MME: variants seen among roughly 807,000 people sequenced by gnomAD.
MME encodes the protein membrane metalloendopeptidase.
A neutral mutation model predicts 113.2 loss-of-function variants in MME; 98 were observed. The ratio of observed to expected loss-of-function variants is 0.87; its 90% CI spans 0.74 to 1.02. The LOEUF (loss-of-function observed/expected upper bound fraction) is 1.02, where lower values mean the gene tolerates loss of function less well. MME is among the 50% of genes least tolerant of loss of function. The pLI is 0.00. For missense variants in MME, 836 were observed against 896.0 expected (o/e 0.93, Z 0.86); for synonymous variants, 292 against 300.6 (o/e 0.97, Z 0.30).
chr3:155,085,950 G>T (rs761186088), intron 3 of MME, among the ~76,000 whole-genome samples: 1 of 152,230 alleles, frequency 6.6e-6, no homozygotes, highest in Non-Finnish European at 1.5e-5. Context: ...GTGTACGCTT[G>T]ATAGAAGGAC....
At chr3:155,035,117 C>G (rs901442222) in intron 1 of MME, among the ~76,000 whole-genome samples, 1 of 151,842 alleles carries the variant, frequency 6.6e-6, no homozygotes, top group African/African-American at 2.4e-5. Flanking sequence ...ATAAAACTTT[C>G]ATACCAAAAA....
intron 8 of MME, among the ~76,000 whole-genome samples, chr3:155,124,842 T>G (rs1394325249): frequency 6.6e-6 from 1 of 152,140 alleles, no homozygotes; most frequent in African/African-American, 2.4e-5. Flanking sequence ...CAGGGACATT[T>G]AAGTCTGCAG....
chr3:155,055,155 C>T (rs1225661249), intron 1 of MME, among the ~76,000 whole-genome samples: 1 of 151,964 alleles, frequency 6.6e-6, no homozygotes, highest in Non-Finnish European at 1.5e-5. Flanking sequence ...GAAAGCTGAT[C>T]AAAGAACTCA....
intron 3 of MME, among the ~76,000 whole-genome samples, chr3:155,091,459 G>T (rs1716292766): frequency 6.6e-6 from 1 of 152,186 alleles, no homozygotes; most frequent in Non-Finnish European, 1.5e-5. Flanking sequence ...AATTAGCAAT[G>T]CCTGGTAAGC....
chr3:155,128,176 T>C (rs1300573158), intron 8 of MME, among the ~76,000 whole-genome samples: 1 of 152,214 alleles, frequency 6.6e-6, no homozygotes, highest in African/African-American at 2.4e-5. Flanking sequence ...AATGGGTAAT[T>C]ATCTGAATAT....
intron 1 of MME, among the ~76,000 whole-genome samples, chr3:155,069,426 C>T (rs905840201): frequency 1.3e-5 from 2 of 151,998 alleles, no homozygotes; most frequent in African/African-American, 2.4e-5. Flanking sequence ...TTGATCAGCT[C>T]GTGGCAACTC....
intron 16 of MME, chr3:155,158,935 G>C (rs2108347985): frequency 6.6e-6 from 1 of 151,998 alleles, no homozygotes; most frequent in African/African-American, 2.4e-5. Context: ...AACTAAGGAA[G>C]AAACATGTTG....
At chr3:155,138,967 C>T (rs1720851271) in intron 9 of MME, among the ~76,000 whole-genome samples, 1 of 152,002 alleles carries the variant, frequency 6.6e-6, no homozygotes, top group South Asian at 2.1e-4. Context: ...CAAACGACAA[C>T]CTGCATCCCT....
chr3:155,148,697 C>T (rs1349292745), intron 16 of MME, 44 bp downstream of exon 16: 1 of 1,360,228 alleles, frequency 7.4e-7, no homozygotes, highest in South Asian at 1.2e-5. Flanking sequence ...AGAAGCAGGT[C>T]TTTCCCTCCT....
chr3:155,079,288 A>G (rs887526484), upstream of MME, among the ~76,000 whole-genome samples: 2 of 152,118 alleles, frequency 1.3e-5, no homozygotes, highest in Non-Finnish European at 2.9e-5. Context: ...GGAGCGGGAA[A>G]GAGAGCGAAA....
upstream of MME, among the ~76,000 whole-genome samples, chr3:155,079,287 AAG>A (rs1714902870): frequency 6.6e-6 from 1 of 152,058 alleles, no homozygotes; most frequent in Non-Finnish European, 1.5e-5. Context: ...GGGAGCGGGA[AAG>A]AGAGCGAAAG....
Position 155,143,452 on chromosome 3 carries a change from G to T in MME, c.1198G>T (p.Gly400Cys). 1.2e-6 allele frequency: 2 copies of T among 1,612,122 alleles called. No individual in the cohort carries two copies. Among genetic ancestry groups the T allele is most frequent in the South Asian group, 2.2e-5 (2 of 91,038 alleles). The change falls in exon 13 of 23, where the codon GGT becomes TGT. Residue 400 changes from glycine to cysteine, a missense_variant. By Grantham distance (159) the Gly-to-Cys change is radical. Coordinates refer to ENST00000360490, the MANE Select transcript of MME (RefSeq NM_007289.4). ...SRNAFRKALYGTTSETATWRR... is the reference protein window; with the variant it reads ...SRNAFRKALYCTTSETATWRR... Reference sequence around the variant, plus strand: ...TTTTTCTTTTCCGTAGGCCCTTTATGGTACAACCTCAGAAACAGCAACTTG... The same window carrying T: ...TTTTTCTTTTCCGTAGGCCCTTTATTGTACAACCTCAGAAACAGCAACTTG...
intron 17 of MME, among the ~76,000 whole-genome samples, chr3:155,162,086 G>A (rs374035534): frequency 1.3e-5 from 2 of 152,322 alleles, no homozygotes; most frequent in African/African-American, 2.4e-5. Context: ...CCTTAGTGCT[G>A]CATTAGAGCA....
intron 16 of MME, among the ~76,000 whole-genome samples, chr3:155,150,388 G>T (rs1721834897): frequency 6.6e-6 from 1 of 152,076 alleles, no homozygotes; most frequent in African/African-American, 2.4e-5. Flanking sequence ...AAAGCCAAAA[G>T]TGTATACAAT....
At chr3:155,037,813 T>C (rs1713174722) in intron 1 of MME, among the ~76,000 whole-genome samples, 1 of 152,148 alleles carries the variant, frequency 6.6e-6, no homozygotes, top group South Asian at 2.1e-4. Flanking sequence ...TTGATGTTCT[T>C]GATAGGACCA....
chr3:155,178,039 G>A lies in MME; in HGVS notation c.2154-2321G>A, dbSNP rs188621645. ...ACGCCATGCTATCAGAGGGCCTCTCGGGGCCTTGCTCAGAGCAGGAAGCAT... is the reference window on the plus strand; with the variant it reads ...ACGCCATGCTATCAGAGGGCCTCTCAGGGCCTTGCTCAGAGCAGGAAGCAT... On this transcript the variant is annotated intron_variant, in intron 22 of 22. Coordinates refer to ENST00000360490, the MANE Select transcript of MME (RefSeq NM_007289.4). 1.4e-4 allele frequency among the ~76,000 whole-genome samples: 22 copies of A among 152,190 alleles called. No homozygotes were observed. The East Asian group carries it at 3.1e-3, about 21-fold the overall frequency.
At chr3:155,115,222 A>T (rs1718502084) in intron 4 of MME, 67 bp downstream of exon 4, 2 of 1,555,374 alleles carry the variant, frequency 1.3e-6, no homozygotes, top group African/African-American at 2.7e-5. Context: ...TAAATATACA[A>T]TTGTTAGCCA....
chr3:155,172,405 T>G, intron 21 of MME, 131 bp from the exon 22 acceptor site: 1 of 849,686 alleles, frequency 1.2e-6, no homozygotes, highest in Admixed American at 1.9e-5. Flanking sequence ...CATTGAACAT[T>G]ATTTGAAGAG....
At chr3:155,155,182 AG>A (rs1238869993) in intron 16 of MME, among the ~76,000 whole-genome samples, 18 of 152,104 alleles carry the variant, frequency 1.2e-4, no homozygotes, top group Admixed American at 3.3e-4. Flanking sequence ...TTTGTTTTCC[AG>A]AGGGGGAAGG....
Sources: gnomAD v4.1 joint callset for allele counts (sites outside exome capture counted in the v4.1 genomes callset) on GRCh38, gnomAD v4.1.1 for gene constraint, MANE v1.5 for transcripts, NCBI Gene and HGNC (gene_info 2026-07-23, HGNC 2026-07-21) for gene names.